The following PPFIBP2 variants were observed in gnomAD, a reference collection of about 807,000 sequenced individuals.
PPFIBP2 encodes the protein liprin-beta-2.
Under a neutral mutation model 118.3 loss-of-function variants are expected in PPFIBP2, and 118 were observed. That is an observed-to-expected ratio of 1.00 (90% CI 0.86 to 1.16). PPFIBP2 has a LOEUF of 1.16. Ranked by LOEUF, PPFIBP2 falls within the 50% of genes most tolerant of loss-of-function variation. PPFIBP2 has a pLI of 0.00. For missense variants in PPFIBP2, 1,195 were observed against 1,073.1 expected (o/e 1.11, Z -1.59); for synonymous variants, 414 against 397.4 (o/e 1.04, Z -0.50).
intron 2 of PPFIBP2, among the ~76,000 whole-genome samples, chr11:7,550,439 T>C (rs566593561): frequency 6.6e-6 from 1 of 152,332 alleles, no homozygotes; most frequent in East Asian, 1.9e-4. Context: ...GAGGGTTTCA[T>C]CTGACTTACA....
intron 1 of PPFIBP2, among the ~76,000 whole-genome samples, chr11:7,529,960 G>C (rs1850553211): frequency 6.6e-6 from 1 of 152,238 alleles, no homozygotes; most frequent in African/African-American, 2.4e-5. Flanking sequence ...TGTGCTGTTT[G>C]AGCTGCTGTA....
At position 7,648,414 on chromosome 11, in the gene PPFIBP2, G is replaced by T. The variant is rs1348773354; in HGVS notation, c.1674G>T (p.Trp558Cys). The change falls in exon 18 of 24, where the codon TGG (tryptophan) becomes TGT (cysteine). Residue 558 changes from tryptophan to cysteine, a missense_variant. Physicochemically the swap from Trp to Cys is radical, Grantham distance 215. Coordinates refer to ENST00000299492, the MANE Select transcript of PPFIBP2 (RefSeq NM_003621.5). ...ACGCCAATGCCCCCTTTGCCCAGTGGAGCACAGAGCGTGTGTGTGCATGGC... is the reference window on the plus strand; with the variant it reads ...ACGCCAATGCCCCCTTTGCCCAGTGTAGCACAGAGCGTGTGTGTGCATGGC... ...KSDANAPFAQWSTERVCAWLE... is the reference protein window; with the variant it reads ...KSDANAPFAQCSTERVCAWLE... The T allele has an allele frequency of 6.2e-7, 1 of 1,614,136 alleles. No homozygotes were observed. Among genetic ancestry groups the T allele is most frequent in the African/African-American group, 1.3e-5 (1 of 75,022 alleles).
At chr11:7,605,672 A>G in intron 5 of PPFIBP2, 3 of 1,285,576 alleles carry the variant, frequency 2.3e-6, no homozygotes, top group Non-Finnish European at 3.0e-6. Context: ...GATAAGGAGA[A>G]CAATGTTGCT....
chr11:7,555,698 AGCTACT>A (rs1252872383), intron 2 of PPFIBP2, among the ~76,000 whole-genome samples: 1 of 152,194 alleles, frequency 6.6e-6, no homozygotes. Flanking sequence ...AGGTCAAAAC[AGCTACT>A]GGGGCACCCG....
intron 17 of PPFIBP2, among the ~76,000 whole-genome samples, chr11:7,646,565 AAAG>A (rs1306081554): frequency 2.0e-5 from 3 of 152,212 alleles, no homozygotes; most frequent in Admixed American, 6.5e-5. Flanking sequence ...ATACAAGAGT[AAAG>A]AAGTACTATA....
chr11:7,546,680 T>A (rs1852360669), intron 1 of PPFIBP2, among the ~76,000 whole-genome samples: 1 of 152,234 alleles, frequency 6.6e-6, no homozygotes, highest in Non-Finnish European at 1.5e-5. Flanking sequence ...AGCTGGGTGC[T>A]CCTGCGTAAT....
At chr11:7,536,749 G>C (rs1450407658) in intron 1 of PPFIBP2, among the ~76,000 whole-genome samples, 4 of 152,120 alleles carry the variant, frequency 2.6e-5, no homozygotes, top group African/African-American at 9.7e-5. Context: ...ATGTGAACCT[G>C]GTTCCCCAGG....
intron 8 of PPFIBP2, among the ~76,000 whole-genome samples, chr11:7,627,497 A>C (rs1385129750): frequency 6.6e-6 from 1 of 152,120 alleles, no homozygotes; most frequent in East Asian, 1.9e-4. Flanking sequence ...ATTTAGGAAG[A>C]GGCATAGATC....
chr11:7,547,546 C>G (rs759341494), intron 1 of PPFIBP2, among the ~76,000 whole-genome samples: 3 of 152,204 alleles, frequency 2.0e-5, no homozygotes, highest in Non-Finnish European at 2.9e-5. Flanking sequence ...CCTGCTTCCC[C>G]CCTTTTCCCT....
chr11:7,663,999 C>T, the PPFIBP2 span, among the ~76,000 whole-genome samples: 1 of 152,212 alleles, frequency 6.6e-6, no homozygotes, highest in African/African-American at 2.4e-5. Flanking sequence ...CCTTGCCCTG[C>T]TTCGGCTCGC....
At chr11:7,614,025 T>C (rs1194404919) in intron 6 of PPFIBP2, among the ~76,000 whole-genome samples, 2 of 152,236 alleles carry the variant, frequency 1.3e-5, no homozygotes, top group Non-Finnish European at 2.9e-5. Flanking sequence ...GGATTCTGAT[T>C]TCTGAACTGA....
At chr11:7,587,264 A>G (rs1262206923) in intron 3 of PPFIBP2, among the ~76,000 whole-genome samples, 3 of 152,208 alleles carry the variant, frequency 2.0e-5, no homozygotes, top group East Asian at 1.9e-4. Context: ...GTAGATCTCA[A>G]TTAGCCCCTG....
At chr11:7,648,299 T>C in intron 17 of PPFIBP2, 88 bp from the exon 18 acceptor site, 1 of 1,437,496 alleles carries the variant, frequency 7.0e-7, no homozygotes, top group Non-Finnish European at 9.4e-7. Flanking sequence ...TGTTTTTTCT[T>C]TTCTTTTCTT....
At chr11:7,607,376 A>ATT (rs35087058) in intron 5 of PPFIBP2, among the ~76,000 whole-genome samples, 2 of 147,252 alleles carry the variant, frequency 1.4e-5, no homozygotes, top group African/African-American at 5.0e-5. Flanking sequence ...ACGGGTGCTA[A>ATT]TTTTTTTTTT....
At chr11:7,581,550 T>G (rs1224893155) in intron 3 of PPFIBP2, among the ~76,000 whole-genome samples, 1 of 152,168 alleles carries the variant, frequency 6.6e-6, no homozygotes, top group Non-Finnish European at 1.5e-5. Context: ...GTTGATCTAG[T>G]AGCCTGGCCA....
intron 3 of PPFIBP2, chr11:7,568,926 T>C (rs7942742): frequency 0.34 from 51,573 of 152,136 alleles, 9,913 homozygotes; most frequent in African/African-American, 0.53. Context: ...GTCCAGTGTC[T>C]ACCCCAGAGT....
At chr11:7,524,208 G>T (rs567268982) in intron 1 of PPFIBP2, among the ~76,000 whole-genome samples, 1 of 152,130 alleles carries the variant, frequency 6.6e-6, no homozygotes, top group South Asian at 2.1e-4. Flanking sequence ...GACAGAGAGG[G>T]GGTAGAGCCA....
At position 7,565,636 on chromosome 11, in the gene PPFIBP2, G is replaced by A. The variant is rs754527701; in HGVS notation, c.148G>A (p.Val50Met). The A allele has an allele frequency of 6.2e-7, 1 of 1,614,206 alleles. No individual in the cohort carries two copies. The highest frequency in any genetic ancestry group is 1.1e-5 in the South Asian group (1 of 91,082). The stretch of plus-strand genomic sequence containing the variant: ...GGCCTCCTACATGAACCCCTTCCCG[G>A]TGCTCCATCTCATCGAGGACTTGAG... ...SPASYMNPFP[V>M]LHLIEDLRLA... is the part of the protein sequence containing the mutation. Residue 50 changes from valine (V) to methionine (M), a missense_variant, in exon 3 of 24, where the codon GTG (valine) becomes ATG (methionine). Transcript: ENST00000299492.
chr11:7,650,767 G>A (rs4381358), intron 21 of PPFIBP2, 73 bp from the exon 22 acceptor site: 52,782 of 1,530,844 alleles, frequency 0.034, 1,123 homozygotes, highest in Middle Eastern at 0.074. Context: ...TTACTTACCG[G>A]GGCTGACTCC....
Sources: gnomAD v4.1 joint callset for allele counts (sites outside exome capture counted in the v4.1 genomes callset) on GRCh38, gnomAD v4.1.1 for gene constraint, MANE v1.5 for transcripts, NCBI Gene and HGNC (gene_info 2026-07-23, HGNC 2026-07-21) for gene names.